ANXA13: variants seen among roughly 807,000 people sequenced by gnomAD.
ANXA13 encodes the protein annexin XIII.
ANXA13 carries 36 observed loss-of-function variants against 46.6 expected under a neutral mutation model. The ratio of observed to expected loss-of-function variants is 0.77; its 90% CI spans 0.59 to 1.02. The LOEUF is 1.02. Ranked by LOEUF, ANXA13 falls within the 50% of genes least tolerant of loss-of-function variation. ANXA13 has a pLI of 0.00. For synonymous variants in ANXA13, 163 were observed against 152.9 expected (o/e 1.07, Z -0.49); for missense variants, 417 against 396.5 (o/e 1.05, Z -0.44).
chr8:123,710,604 C>T (rs1046596308), intron 2 of ANXA13, among the ~76,000 whole-genome samples: 2 of 152,026 alleles, frequency 1.3e-5, no homozygotes, highest in African/African-American at 2.4e-5. Context: ...TCAGTCTGTC[C>T]CCACCCCCTC....
chr8:123,700,602 A>G (rs565294268), intron 3 of ANXA13, among the ~76,000 whole-genome samples: 1 of 152,318 alleles, frequency 6.6e-6, no homozygotes, highest in Non-Finnish European at 1.5e-5. Flanking sequence ...GAACATGCCC[A>G]TTTAAGTTTT....
intron 2 of ANXA13, among the ~76,000 whole-genome samples, chr8:123,710,803 T>C (rs1016346899): frequency 2.0e-5 from 3 of 151,888 alleles, no homozygotes. Flanking sequence ...TGTAAGAACT[T>C]GATGAGATTT....
At chr8:123,715,988 C>A (rs1163818268) in intron 1 of ANXA13, among the ~76,000 whole-genome samples, 2 of 152,126 alleles carry the variant, frequency 1.3e-5, no homozygotes, top group Non-Finnish European at 2.9e-5. Context: ...GTCATTTGAT[C>A]CCAAGTAACT....
intron 1 of ANXA13, among the ~76,000 whole-genome samples, chr8:123,722,804 G>A (rs1443506174): frequency 1.3e-5 from 2 of 152,148 alleles, no homozygotes. Flanking sequence ...GGGCTGGCAG[G>A]GGAGGAAGTG....
chr8:123,687,745 T>C (rs1194959366), intron 9 of ANXA13, among the ~76,000 whole-genome samples: 1 of 152,234 alleles, frequency 6.6e-6, no homozygotes, highest in Non-Finnish European at 1.5e-5. Context: ...CTCCATTCCT[T>C]CTGCCATTTG....
chr8:123,692,125 C>A (rs1349310666), intron 8 of ANXA13, among the ~76,000 whole-genome samples: 3 of 152,178 alleles, frequency 2.0e-5, no homozygotes, highest in African/African-American at 7.2e-5. Flanking sequence ...TATCTGCTGG[C>A]AACACATAGG....
At chr8:123,699,487 C>T (rs1400506652) in intron 3 of ANXA13, among the ~76,000 whole-genome samples, 4 of 152,178 alleles carry the variant, frequency 2.6e-5, no homozygotes, top group African/African-American at 9.7e-5. Context: ...CCCAGCCTGC[C>T]ATCTATTCTG....
At chr8:123,697,861 T>C (rs1360185810) in intron 4 of ANXA13, among the ~76,000 whole-genome samples, 1 of 152,236 alleles carries the variant, frequency 6.6e-6, no homozygotes, top group Non-Finnish European at 1.5e-5. Context: ...AAAGGTGGCA[T>C]GTGCCGAGTG....
At chr8:123,695,906 G>GCCC (rs369319261) in intron 4 of ANXA13, among the ~76,000 whole-genome samples, 185 bp from the exon 5 acceptor site, 3 of 91,152 alleles carry the variant, frequency 3.3e-5, no homozygotes, top group Non-Finnish European at 4.6e-5. Flanking sequence ...GTGACGGCCC[G>GCCC]CCCCCCCCCC....
Position 123,693,262 on chromosome 8 carries a change from A to T in ANXA13, c.577T>A (p.Phe193Ile). ...CTCCTCTTGGCCAGGACTTCATTGA[A>T]CGCAAGCTCATCAGTGCCCCAGCGG... ...EGRWGTDELA[F>I]NEVLAKRSYK... Residue 193 changes from phenylalanine to isoleucine, a missense_variant, in exon 8 of 11, where the codon TTC (phenylalanine) becomes ATC (isoleucine). Physicochemically the swap from Phe to Ile is conservative, Grantham distance 21. Coordinates refer to ENST00000419625, the MANE Select transcript of ANXA13 (RefSeq NM_004306.4). 3 of 1,614,154 alleles carry T rather than the reference A, an allele frequency of 1.9e-6. No individual in the cohort carries two copies. Among genetic ancestry groups the T allele is most frequent in the Non-Finnish European group, 2.5e-6 (3 of 1,180,016 alleles).
Position 123,693,239 on chromosome 8 carries a change from C to T in ANXA13, c.600G>A (p.Arg200=), listed in dbSNP as rs1250522565. The T allele has an allele frequency of 6.2e-7, 1 of 1,614,038 alleles. No individual in the cohort carries two copies. Among genetic ancestry groups the T allele is most frequent in the East Asian group, 2.2e-5 (1 of 44,896 alleles). The change falls in exon 8 of 11, where the codon AGG becomes AGA. Residue 200 remains arginine, a synonymous_variant. Coordinates refer to ENST00000419625, the MANE Select transcript of ANXA13 (RefSeq NM_004306.4). ...AGGTGGCTCGTAACTGCTTGTAGCT[C>T]CTCTTGGCCAGGACTTCATTGAACG... ...ELAFNEVLAK[R]SYKQLRATFQ... is the part of the protein sequence containing the mutation.
intron 1 of ANXA13, chr8:123,735,970 C>T (rs1814257910): frequency 2.9e-6 from 4 of 1,394,934 alleles, no homozygotes; most frequent in Admixed American, 2.6e-5. Flanking sequence ...AATTATCCTC[C>T]TAAGCTGTGA....
At chr8:123,737,246 A>G in intron 1 of ANXA13, 74 bp downstream of exon 1, 1 of 1,378,790 alleles carries the variant, frequency 7.3e-7, no homozygotes, top group Non-Finnish European at 1.0e-6. Context: ...AGTATCAGTC[A>G]TGATTTTATA....
chr8:123,731,153 A>G (rs117992475), intron 1 of ANXA13, among the ~76,000 whole-genome samples: 1 of 152,298 alleles, frequency 6.6e-6, no homozygotes, highest in Non-Finnish European at 1.5e-5. Context: ...GATTCTGTAG[A>G]TCTGGGGTGG....
chr8:123,706,770 G>C (rs1042716600), intron 2 of ANXA13, among the ~76,000 whole-genome samples: 1 of 152,158 alleles, frequency 6.6e-6, no homozygotes, highest in Non-Finnish European at 1.5e-5. Flanking sequence ...ACTCTGCAGG[G>C]GGGCCTATGG....
chr8:123,711,155 C>T lies in ANXA13; in HGVS notation c.91+1523G>A, dbSNP rs149814637. ...ACTCAAGGGCTATTTCAAGCCACCA[C>T]TCAAGCCCCATACTCCATTGTCAAA... On this transcript the variant is annotated intron_variant, in intron 2 of 10. Transcript: ENST00000419625. Among the ~76,000 whole-genome samples, 418 of 152,330 alleles carry T rather than the reference C, an allele frequency of 2.7e-3. 2 individuals carry two copies. The highest frequency in any genetic ancestry group is 9.5e-3 in the African/African-American group (394 of 41,574).
At position 123,695,906 on chromosome 8, in the gene ANXA13, GC is replaced by G. The variant is rs369319261; in HGVS notation, c.358-186del. On this transcript the variant is annotated intron_variant, in intron 4 of 10. Coordinates refer to ENST00000419625, the MANE Select transcript of ANXA13 (RefSeq NM_004306.4). ...CGAGTCCCTGGAGATGTGACGGCCC[GC>G]CCCCCCCCCACTCCGCCCACCTCTG... is the stretch of plus-strand genomic sequence containing the variant. Among the ~76,000 whole-genome samples, 337 of 91,088 alleles carry G rather than the reference GC, an allele frequency of 3.7e-3. 2 individuals are homozygous for G. Among genetic ancestry groups the G allele is most frequent in the African/African-American group, 8.7e-3 (206 of 23,680 alleles). 59.8% of individuals were successfully genotyped at this position (91,088 alleles called of 152,430 possible).
At chr8:123,723,059 T>G (rs1813915149) in intron 1 of ANXA13, among the ~76,000 whole-genome samples, 1 of 152,248 alleles carries the variant, frequency 6.6e-6, no homozygotes, top group Admixed American at 6.5e-5. Context: ...GATGGGTGCC[T>G]GCTTTCCAGC....
In ANXA13 at chr8:123,737,343, T is replaced by A. The variant is rs774126076; in HGVS notation, c.-9A>T. On this transcript the variant is annotated 5_prime_UTR_variant, in exon 1 of 11. Transcript: ENST00000419625. The stretch of plus-strand genomic sequence containing the variant: ...ACATGACGATTGCCCATTTTCCTTT[T>A]TCTGAGATGGTTTTTCTGTATTTCA... The A allele has an allele frequency of 3.1e-6, 5 of 1,611,706 alleles. No homozygotes were observed. The highest frequency in any genetic ancestry group is 4.2e-6 in the Non-Finnish European group (5 of 1,178,610).
Sources: gnomAD v4.1 joint callset for allele counts (sites outside exome capture counted in the v4.1 genomes callset) on GRCh38, gnomAD v4.1.1 for gene constraint, MANE v1.5 for transcripts, NCBI Gene and HGNC (gene_info 2026-07-23, HGNC 2026-07-21) for gene names.